The following KHDRBS2 variants were observed in gnomAD, a reference collection of about 807,000 sequenced individuals.
KHDRBS2 encodes KH RNA binding domain containing, signal transduction associated 2, also known as KH domain-containing, RNA-binding, signal transduction-associated protein 2.
KHDRBS2 carries 26 observed loss-of-function variants against 44.3 expected under a neutral mutation model. The observed-to-expected ratio is 0.59, with a 90% CI of 0.43 to 0.81. The LOEUF (loss-of-function observed/expected upper bound fraction) is 0.81, where lower values mean the gene tolerates loss of function less well. Ranked by LOEUF, KHDRBS2 falls within the 40% of genes least tolerant of loss-of-function variation. KHDRBS2 has a pLI of 0.00. For missense variants in KHDRBS2, 476 were observed against 433.1 expected, an observed-to-expected ratio of 1.10 and a Z score of -0.88; for synonymous variants, 194 against 151.1, an observed-to-expected ratio of 1.28 and a Z score of -2.08.
chr6:61,871,763 T>A (rs540362029), intron 6 of KHDRBS2, among the ~76,000 whole-genome samples: 3 of 152,314 alleles, frequency 2.0e-5, no homozygotes, highest in South Asian at 4.1e-4. Context: ...CTAAGCTTCA[T>A]AAGCGAAGGA....
chr6:61,716,761 G>C (rs1228136023), intron 7 of KHDRBS2, among the ~76,000 whole-genome samples: 3 of 152,006 alleles, frequency 2.0e-5, no homozygotes, highest in Non-Finnish European at 4.4e-5. Flanking sequence ...TGTGTGTGAA[G>C]CTAGGCTTCT....
At chr6:61,582,856 T>C in the KHDRBS2 span, among the ~76,000 whole-genome samples, 8 of 151,816 alleles carry the variant, frequency 5.3e-5, no homozygotes, top group Non-Finnish European at 1.0e-4. Flanking sequence ...CTTGTATAAT[T>C]ATAATTTTGT....
intron 3 of KHDRBS2, among the ~76,000 whole-genome samples, chr6:61,993,513 C>A (rs1776534540): frequency 6.6e-6 from 1 of 150,892 alleles, no homozygotes; most frequent in Admixed American, 6.6e-5. Flanking sequence ...TGAGCATATC[C>A]CCCTCCCCAC....
chr6:61,888,263 T>C (rs1801267951), intron 6 of KHDRBS2, among the ~76,000 whole-genome samples: 1 of 152,172 alleles, frequency 6.6e-6, no homozygotes, highest in Non-Finnish European at 1.5e-5. Context: ...CTAATTTCAG[T>C]TGACTTCTTC....
chr6:61,847,231 T>C, intron 6 of KHDRBS2, among the ~76,000 whole-genome samples: 1 of 152,242 alleles, frequency 6.6e-6, no homozygotes, highest in East Asian at 1.9e-4. Context: ...AGGGAAGAGA[T>C]TTCTTTCTTC....
At chr6:61,633,487 A>G in the KHDRBS2 span, among the ~76,000 whole-genome samples, 4 of 152,232 alleles carry the variant, frequency 2.6e-5, no homozygotes, top group Non-Finnish European at 5.9e-5. Flanking sequence ...CTGGAAAAAG[A>G]AAAAACAACA....
At chr6:61,660,435 A>C in the KHDRBS2 span, among the ~76,000 whole-genome samples, 1 of 151,774 alleles carries the variant, frequency 6.6e-6, no homozygotes, top group Non-Finnish European at 1.5e-5. Context: ...AAAATTACTT[A>C]AGTTCTTTTA....
the KHDRBS2 span, among the ~76,000 whole-genome samples, chr6:61,570,881 C>A: frequency 1.3e-5 from 2 of 152,020 alleles, no homozygotes; most frequent in Non-Finnish European, 2.9e-5. Context: ...GAAGAGTTCA[C>A]CACTACCAAA....
Position 61,738,509 on chromosome 6 carries a change from C to T in KHDRBS2, c.811-5745G>A, listed in dbSNP as rs184075887. ...GCTTCTTTCTGAGTCTTTGCTAAGT[C>T]CTCTACAATATACTTAAGGCACAAT... On this transcript the variant is annotated intron_variant, in intron 6 of 8. Coordinates refer to ENST00000281156, the MANE Select transcript of KHDRBS2 (RefSeq NM_152688.4). Among the ~76,000 whole-genome samples, 54 of 151,978 alleles carry T rather than the reference C, an allele frequency of 3.6e-4. No homozygotes were observed. In the East Asian group the frequency reaches 9.1e-3, roughly 26 times the overall value.
intron 2 of KHDRBS2, among the ~76,000 whole-genome samples, chr6:62,149,284 CT>C (rs901089444): frequency 6.6e-6 from 1 of 152,114 alleles, no homozygotes; most frequent in Non-Finnish European, 1.5e-5. Context: ...TACGTACTCA[CT>C]TTTAATACAA....
At chr6:62,164,687 A>G (rs1330656571) in intron 2 of KHDRBS2, among the ~76,000 whole-genome samples, 1 of 151,932 alleles carries the variant, frequency 6.6e-6, no homozygotes, top group African/African-American at 2.4e-5. Flanking sequence ...ATTCTAACAT[A>G]AATTGCTAGA....
chr6:62,063,311 G>A (rs1364271250), intron 2 of KHDRBS2, among the ~76,000 whole-genome samples: 7 of 150,950 alleles, frequency 4.6e-5, no homozygotes, highest in Admixed American at 1.3e-4. Flanking sequence ...CCAAAGCCGG[G>A]CAGAGACACA....
intron 6 of KHDRBS2, among the ~76,000 whole-genome samples, chr6:61,820,654 T>C (rs561826003): frequency 2.0e-5 from 3 of 152,142 alleles, no homozygotes; most frequent in East Asian, 3.9e-4. Context: ...TTTTTGCTCA[T>C]AGGTGTTTTC....
intron 6 of KHDRBS2, among the ~76,000 whole-genome samples, chr6:61,795,854 T>G (rs1391238025): frequency 2.6e-5 from 4 of 152,142 alleles, no homozygotes; most frequent in African/African-American, 9.7e-5. Flanking sequence ...TTACTTTTTT[T>G]GCTGAAATAA....
At chr6:61,873,633 AG>A (rs1798979391) in intron 6 of KHDRBS2, among the ~76,000 whole-genome samples, 1 of 48,684 alleles carries the variant, frequency 2.1e-5, no homozygotes, top group Non-Finnish European at 3.8e-5. Context: ...AAGCAAAAAA[AG>A]AAAAAAAAAA....
chr6:62,200,532 G>A (rs1826731513), intron 1 of KHDRBS2, among the ~76,000 whole-genome samples: 1 of 152,166 alleles, frequency 6.6e-6, no homozygotes, highest in Admixed American at 6.6e-5. Context: ...AAACCACAAT[G>A]AGATACCATC....
intron 6 of KHDRBS2, among the ~76,000 whole-genome samples, chr6:61,786,757 G>A (rs554902439): frequency 1.3e-5 from 2 of 151,942 alleles, no homozygotes; most frequent in East Asian, 3.9e-4. Context: ...TTTTTAGTTG[G>A]TTCAAGGAGC....
rs545776196 is a variant in KHDRBS2 at position 61,753,163 on chromosome 6, C to T, written c.811-20399G>A. On this transcript the variant is annotated intron_variant, in intron 6 of 8. Transcript: ENST00000281156. ...TTCGTGTTGCTCTTTCTTTCTCTCT[C>T]CCTCTCATTTTCCTCTCTCTCTCCT... is the stretch of plus-strand genomic sequence containing the variant. Among the ~76,000 whole-genome samples the T allele has an allele frequency of 2.6e-5, 4 of 152,084 alleles. No homozygotes were observed. In the South Asian group the frequency reaches 8.3e-4, roughly 32 times the overall value.
intron 4 of KHDRBS2, among the ~76,000 whole-genome samples, chr6:61,962,308 T>A (rs1768915686): frequency 6.6e-6 from 1 of 152,082 alleles, no homozygotes; most frequent in Admixed American, 6.6e-5. Flanking sequence ...CTTCTCTTGA[T>A]CAGCTTGTGA....
Sources: allele counts gnomAD v4.1 joint callset (sites outside exome capture counted in the v4.1 genomes callset), GRCh38; gene constraint gnomAD v4.1.1; transcripts MANE v1.5; gene names NCBI Gene and HGNC (gene_info 2026-07-23, HGNC 2026-07-21).